COBLL1: variants seen among roughly 807,000 people sequenced by gnomAD.
The protein encoded by COBLL1 is cordon-bleu WH2 repeat protein like 1.
A neutral mutation model predicts 94.8 loss-of-function variants in COBLL1; 50 were observed. The ratio of observed to expected loss-of-function variants is 0.53; its 90% CI spans 0.42 to 0.67. The LOEUF is 0.67. Ranked by LOEUF, COBLL1 falls within the 30% of genes least tolerant of loss-of-function variation. COBLL1 has a pLI of 0.00. For synonymous variants in COBLL1, 448 were observed against 473.8 expected (o/e 0.95, Z 0.71); for missense variants, 1,362 against 1,348.7 (o/e 1.01, Z -0.15).
At position 164,694,296 on chromosome 2, in the gene COBLL1, G is replaced by A; in HGVS notation, c.3096C>T (p.Asp1032=). 6.2e-7 allele frequency: 1 copy of A among 1,613,724 alleles called. No individual in the cohort carries two copies. Among genetic ancestry groups the A allele is most frequent in the Non-Finnish European group, 8.5e-7 (1 of 1,179,764 alleles). Residue 1032 remains aspartate (D), a synonymous_variant, in exon 12 of 14, where the codon GAC becomes GAT. Coordinates refer to ENST00000652658, the MANE Select transcript of COBLL1 (RefSeq NM_001365672.2). ...GKTHSVNKFV[D]IPQLGVSDKE... is the part of the protein sequence containing the mutation. ...TATCAGACACACCAAGCTGTGGGAT[G>A]TCCACAAATTTATTTACAGAATGAG...
chr2:164,823,247 A>T (rs527935536), intron 2 of COBLL1, among the ~76,000 whole-genome samples: 110 of 152,300 alleles, frequency 7.2e-4, no homozygotes, highest in Middle Eastern at 6.8e-3. Flanking sequence ...TAATATTTTC[A>T]ATACAATTGG....
At chr2:164,795,058 T>C (rs915892652) in intron 2 of COBLL1, among the ~76,000 whole-genome samples, 1 of 152,182 alleles carries the variant, frequency 6.6e-6, no homozygotes, top group Admixed American at 6.5e-5. Context: ...CGAGGACTCT[T>C]TTCATCTTCG....
chr2:164,744,839 C>G (rs763415290), intron 2 of COBLL1, among the ~76,000 whole-genome samples: 3 of 152,220 alleles, frequency 2.0e-5, no homozygotes, highest in Middle Eastern at 3.4e-3. Flanking sequence ...AAGACAACCT[C>G]TTAACTAACT....
intron 2 of COBLL1, among the ~76,000 whole-genome samples, chr2:164,807,366 A>C (rs1684219899): frequency 6.6e-6 from 1 of 151,806 alleles, no homozygotes; most frequent in African/African-American, 2.4e-5. Flanking sequence ...TGAACCCGAG[A>C]GGCAGAGGCT....
chr2:164,666,897 T>C (rs375294565), intron 1 of COBLL1, among the ~76,000 whole-genome samples: 19 of 152,184 alleles, frequency 1.2e-4, no homozygotes, highest in African/African-American at 4.1e-4. Flanking sequence ...TCCATGAGGG[T>C]TGGAATCAAC....
At chr2:164,757,597 A>G (rs573176187) in intron 2 of COBLL1, among the ~76,000 whole-genome samples, 2 of 152,264 alleles carry the variant, frequency 1.3e-5, no homozygotes, top group South Asian at 4.2e-4. Flanking sequence ...TTCTCTCTCA[A>G]GGAGTCACCA....
chr2:164,685,476 A>G lies in COBLL1; in HGVS notation c.*470T>C, dbSNP rs1683230046. Reference sequence around the variant, plus strand: ...TTATTTGGTATCACTAGTTTTCTAAATCATTCTTTCAGCCCAAAACAGGCT... The same window carrying G: ...TTATTTGGTATCACTAGTTTTCTAAGTCATTCTTTCAGCCCAAAACAGGCT... On this transcript the variant is annotated 3_prime_UTR_variant, in exon 14 of 14. Coordinates refer to ENST00000652658, the MANE Select transcript of COBLL1 (RefSeq NM_001365672.2). 6.6e-6 allele frequency: 1 copy of G among 152,386 alleles called. No homozygotes were observed. Among genetic ancestry groups the G allele is most frequent in the South Asian group, 2.1e-4 (1 of 4,836 alleles). The allele number at this position is 152,386 out of a possible 1,614,324, so 9.4% of individuals were successfully genotyped here. A position where few individuals can be genotyped will look rare whatever the true frequency, so the allele number is the denominator to read the frequency against.
At chr2:164,719,157 T>A (rs1013384321) in intron 7 of COBLL1, among the ~76,000 whole-genome samples, 4 of 151,712 alleles carry the variant, frequency 2.6e-5, no homozygotes, top group Non-Finnish European at 5.9e-5. Context: ...ATAAAAGACA[T>A]CATGAAGGGA....
In COBLL1 at chr2:164,728,206, C is replaced by CAT. The variant is rs149924692; in HGVS notation, c.433-11_433-10dup. 7,903 of 1,543,548 alleles carry CAT rather than the reference C, an allele frequency of 5.1e-3. 288 individuals carry two copies. The Admixed American group carries it at 0.082, about 16-fold the overall frequency. ...ACTACTCTCACAGTTTTCTGAAACACATATTAAAGCCATAGTTGTACCATA... is the reference window on the plus strand; with the variant it reads ...ACTACTCTCACAGTTTTCTGAAACACATATATTAAAGCCATAGTTGTACCATA... On this transcript the variant is annotated splice_polypyrimidine_tract_variant and intron_variant, in intron 4 of 13. Coordinates refer to ENST00000652658, the MANE Select transcript of COBLL1 (RefSeq NM_001365672.2).
chr2:164,687,736 C>A (rs906654734), intron 13 of COBLL1: 6 of 632,574 alleles, frequency 9.5e-6, no homozygotes, highest in African/African-American at 1.8e-5. Flanking sequence ...GCACACTGGG[C>A]CCCCATAAGG....
At chr2:164,815,797 C>A (rs964323209) in intron 2 of COBLL1, among the ~76,000 whole-genome samples, 3 of 152,136 alleles carry the variant, frequency 2.0e-5, no homozygotes, top group African/African-American at 7.2e-5. Context: ...CAAGCACTCA[C>A]CCAGATTCCT....
At chr2:164,713,078 T>G (rs1271398749) in intron 7 of COBLL1, among the ~76,000 whole-genome samples, 1 of 152,138 alleles carries the variant, frequency 6.6e-6, no homozygotes, top group Admixed American at 6.5e-5. Flanking sequence ...TTATTTCTGA[T>G]GTCCTGTATC....
At chr2:164,727,141 G>A in intron 5 of COBLL1, 2 of 1,505,414 alleles carry the variant, frequency 1.3e-6, no homozygotes, top group Non-Finnish European at 1.8e-6. Context: ...AGTAACAGAA[G>A]TGGCTACAGA....
intron 2 of COBLL1, among the ~76,000 whole-genome samples, chr2:164,752,666 T>C (rs1487147567): frequency 2.0e-5 from 3 of 151,952 alleles, no homozygotes; most frequent in African/African-American, 7.3e-5. Flanking sequence ...CCAATAACCC[T>C]AGCAAGGGCC....
At chr2:164,672,966 C>G (rs182214415) in intron 1 of COBLL1, among the ~76,000 whole-genome samples, 3 of 152,136 alleles carry the variant, frequency 2.0e-5, no homozygotes, top group Non-Finnish European at 4.4e-5. Flanking sequence ...CATTGTGTAA[C>G]TGCAGCCCCA....
intron 2 of COBLL1, among the ~76,000 whole-genome samples, chr2:164,827,260 G>C (rs567038196): frequency 2.6e-5 from 4 of 152,106 alleles, no homozygotes; most frequent in African/African-American, 9.6e-5. Context: ...ATTTCTTTAA[G>C]GTTTTTCTCA....
chr2:164,664,017 T>TA (rs1387781040), intron 2 of COBLL1, among the ~76,000 whole-genome samples: 1 of 152,208 alleles, frequency 6.6e-6, no homozygotes, highest in Non-Finnish European at 1.5e-5. Context: ...ATCTTATACT[T>TA]AAAATAAAAA....
rs1322531067 is a variant in COBLL1 at position 164,686,148 on chromosome 2, CTA to C, written c.3301-118_3301-117del. 6.0e-6 allele frequency: 3 copies of C among 503,968 alleles called. No homozygotes were observed. In the African/African-American group the frequency reaches 6.0e-5, roughly 10 times the overall value. The allele number at this position is 503,968 out of a possible 1,614,324, so 31.2% of individuals were successfully genotyped here. A position where few individuals can be genotyped will look rare whatever the true frequency, so the allele number is the denominator to read the frequency against. ...CTGCTTAATTGTAAATGATAAGTAT[CTA>C]TTATTCAATAAATTATAATCAAGAA... On this transcript the variant is annotated intron_variant, in intron 13 of 13. Coordinates refer to ENST00000652658, the MANE Select transcript of COBLL1 (RefSeq NM_001365672.2).
At chr2:164,774,954 A>C (rs1365017569) in intron 2 of COBLL1, among the ~76,000 whole-genome samples, 1 of 151,950 alleles carries the variant, frequency 6.6e-6, no homozygotes, top group African/African-American at 2.4e-5. Flanking sequence ...TATGTTTATC[A>C]TAACAGCCAT....
Sources: allele counts gnomAD v4.1 joint callset (sites outside exome capture counted in the v4.1 genomes callset), GRCh38; gene constraint gnomAD v4.1.1; transcripts MANE v1.5; gene names NCBI Gene and HGNC (gene_info 2026-07-23, HGNC 2026-07-21).